Variants in EEF2K observed in about 807,000 individuals in gnomAD.
EEF2K encodes alternative protein EEF2K.
In EEF2K, 70 loss-of-function variants were observed where a neutral mutation model predicts 93.8. That is an observed-to-expected ratio of 0.75 (90% CI 0.62 to 0.91). The LOEUF (loss-of-function observed/expected upper bound fraction) is 0.91, where lower values mean the gene tolerates loss of function less well. Ranked by LOEUF, EEF2K falls within the 40% of genes least tolerant of loss-of-function variation. The pLI is 0.00. For missense variants in EEF2K, 935 were observed against 972.9 expected (o/e 0.96, Z 0.52); for synonymous variants, 376 against 380.8 (o/e 0.99, Z 0.15).
rs886476131 is a variant in EEF2K, at chr16:22,283,814, G to A, written c.2069-73G>A. On this transcript the variant is annotated intron_variant, in intron 17 of 17. Transcript: ENST00000263026. ...ACGTCAGGGTGTTCTTCTGGGAGGG[G>A]TGATGGGGGACACTGGGCTGGCAAA... 60 of 1,401,778 alleles carry A rather than the reference G, an allele frequency of 4.3e-5. 1 individual carries two copies. The Admixed American group carries it at 1.1e-3, about 25-fold the overall frequency. The allele number at this position is 1,401,778 out of a possible 1,614,324, so 86.8% of individuals were successfully genotyped here.
chr16:22,284,826 C>G lies in EEF2K; in HGVS notation c.*830C>G, dbSNP rs1414118649. 6.6e-6 allele frequency: 1 copy of G among 152,166 alleles called. No homozygotes were observed. Among genetic ancestry groups the G allele is most frequent in the Non-Finnish European group, 1.5e-5 (1 of 68,018 alleles). 9.4% of individuals were successfully genotyped at this position (152,166 alleles called of 1,614,324 possible). ...TGGCTTAGTGCAAAGCATTCTTTCT[C>G]AGAGCATTTAGAGGCATGCGTGGCA... On this transcript the variant is annotated 3_prime_UTR_variant, in exon 18 of 18. Coordinates refer to ENST00000263026, the MANE Select transcript of EEF2K (RefSeq NM_013302.5).
In EEF2K at chr16:22,225,897, T is replaced by G. The variant is rs1419477034; in HGVS notation, c.168T>G (p.Val56=). The G allele has an allele frequency of 1.2e-6, 2 of 1,614,090 alleles. No individual in the cohort carries two copies. Among genetic ancestry groups the G allele is most frequent in the Non-Finnish European group, 1.7e-6 (2 of 1,180,048 alleles). ...CGAACCAGAATGTCAATTCCAAGGT[T>G]AATAAGTACTACAGCAACCTAACAA... ...PSSNQNVNSK[V]NKYYSNLTKS... The change falls in exon 2 of 18, where the codon GTT becomes GTG. Residue 56 remains valine (V), a synonymous_variant. Coordinates refer to ENST00000263026, the MANE Select transcript of EEF2K (RefSeq NM_013302.5).
At chr16:22,238,877 A>G (rs1447439455) in intron 2 of EEF2K, among the ~76,000 whole-genome samples, 1 of 152,054 alleles carries the variant, frequency 6.6e-6, no homozygotes, top group Non-Finnish European at 1.5e-5. Context: ...GGAGTCACCC[A>G]TAATAAGCAC....
chr16:22,266,435 CT>C lies in EEF2K; in HGVS notation c.1487del (p.Leu496ArgfsTer87). On this transcript the variant is annotated frameshift_variant, in exon 14 of 18. Coordinates refer to ENST00000263026, the MANE Select transcript of EEF2K (RefSeq NM_013302.5). LOFTEE classifies it high-confidence loss of function. ...TCTCCTCAACTCCTCCCGCCTCCAC[CT>C]GCCGAGGGCTTCGGCCGTGGCCCTG... ...WNLLNSSRLH[L>X]PRASAVALEV... 1 of 1,614,198 alleles carries C rather than the reference CT, an allele frequency of 6.2e-7. No individual in the cohort carries two copies.
intron 10 of EEF2K, 107 bp from the exon 11 acceptor site, chr16:22,260,350 TAAAAA>T (rs35233038): frequency 2.3e-6 from 2 of 868,252 alleles, no homozygotes; most frequent in Non-Finnish European, 3.4e-6. Context: ...CTTTAAAGCT[TAAAAA>T]AAAAAAAAGG....
At chr16:22,236,452 T>A (rs2047168689) in intron 2 of EEF2K, among the ~76,000 whole-genome samples, 1 of 152,004 alleles carries the variant, frequency 6.6e-6, no homozygotes, top group South Asian at 2.1e-4. Context: ...TTTTTTGTAT[T>A]TGTAGTAGAG....
At chr16:22,208,752 T>A (rs1234479417) in intron 1 of EEF2K, among the ~76,000 whole-genome samples, 1 of 143,846 alleles carries the variant, frequency 7.0e-6, no homozygotes, top group Non-Finnish European at 1.5e-5. Context: ...AAAAAAAAAA[T>A]CTCTGATTTG....
At chr16:22,230,308 G>T (rs2047102914) in intron 2 of EEF2K, among the ~76,000 whole-genome samples, 1 of 151,676 alleles carries the variant, frequency 6.6e-6, no homozygotes, top group Non-Finnish European at 1.5e-5. Flanking sequence ...CCACTTCCTA[G>T]GTTCAAGTGA....
chr16:22,254,840 G>C (rs1369359870), intron 6 of EEF2K, among the ~76,000 whole-genome samples: 2 of 152,028 alleles, frequency 1.3e-5, no homozygotes, highest in African/African-American at 4.8e-5. Context: ...GCCCGGGGTG[G>C]GGGGGCGGAT....
chr16:22,266,957 G>A (rs909679781), intron 15 of EEF2K, 81 bp downstream of exon 15: 2 of 1,492,228 alleles, frequency 1.3e-6, no homozygotes, highest in Non-Finnish European at 1.8e-6. Context: ...CATCCTGGAA[G>A]TCATGCATTC....
At chr16:22,220,148 T>C (rs2046997062) in intron 1 of EEF2K, among the ~76,000 whole-genome samples, 1 of 152,226 alleles carries the variant, frequency 6.6e-6, no homozygotes, top group African/African-American at 2.4e-5. Context: ...GGGGGATAGT[T>C]TGCCACAGCT....
At position 22,256,779 on chromosome 16, in the gene EEF2K, T is replaced by A. The variant is rs1243214007; in HGVS notation, c.650T>A (p.Leu217Gln). 1 of 1,614,104 alleles carries A rather than the reference T, an allele frequency of 6.2e-7. No homozygotes were observed. Among genetic ancestry groups the A allele is most frequent in the African/African-American group, 1.3e-5 (1 of 75,032 alleles). ...VDIMQMCIIE[L>Q]KDRPGKPLFH... ...ATCATGCAGATGTGCATCATCGAGC[T>A]GAAGGACAGACCGGGCAAGCCCCTC... Residue 217 changes from leucine to glutamine, a missense_variant, in exon 7 of 18, where the codon CTG (leucine) becomes CAG (glutamine). By Grantham distance (113) the Leu-to-Gln change is moderately radical. Coordinates refer to ENST00000263026, the MANE Select transcript of EEF2K (RefSeq NM_013302.5).
intron 2 of EEF2K, among the ~76,000 whole-genome samples, chr16:22,233,608 A>T (rs1261061222): frequency 1.3e-5 from 2 of 152,030 alleles, no homozygotes; most frequent in African/African-American, 2.4e-5. Flanking sequence ...AATCACTTGA[A>T]CCTGGGAGGC....
chr16:22,251,368 G>A (rs1478041565), intron 6 of EEF2K, 46 bp downstream of exon 6: 1 of 1,603,538 alleles, frequency 6.2e-7, no homozygotes, highest in Non-Finnish European at 8.5e-7. Flanking sequence ...AGGGCAGCTG[G>A]GCACAGTGTC....
Position 22,280,376 on chromosome 16 carries a change from G to T in EEF2K, c.2068G>T (p.Gly690Trp). The part of the protein sequence containing the change: ...YGLEKDPQRS[G>W]DLYTQAAEAA... ...GCTGGAGAAGGACCCGCAGAGATCA[G>T]GTAGGGCCTGGCAGACCTGCCCCTG... The change falls in exon 17 of 18, where the codon GGG (glycine) becomes TGG (tryptophan). Residue 690 changes from glycine (G) to tryptophan (W), a missense_variant and splice_region_variant. Coordinates refer to ENST00000263026, the MANE Select transcript of EEF2K (RefSeq NM_013302.5). The T allele has an allele frequency of 3.3e-6, 5 of 1,522,362 alleles. No homozygotes were observed. Among genetic ancestry groups the T allele is most frequent in the Non-Finnish European group, 4.4e-6 (5 of 1,131,518 alleles). The allele number at this position is 1,522,362 out of a possible 1,614,324, so 94.3% of individuals were successfully genotyped here. A position where few individuals can be genotyped will look rare whatever the true frequency, so the allele number is the denominator to read the frequency against.
chr16:22,242,064 G>C (rs1459183323), intron 2 of EEF2K, among the ~76,000 whole-genome samples: 1 of 152,092 alleles, frequency 6.6e-6, no homozygotes, highest in African/African-American at 2.4e-5. Flanking sequence ...GATCGCTTGA[G>C]CCCAGGAGTT....
At chr16:22,241,058 G>A (rs566229320) in intron 2 of EEF2K, among the ~76,000 whole-genome samples, 6 of 151,884 alleles carry the variant, frequency 4.0e-5, no homozygotes, top group South Asian at 2.1e-4. Context: ...GTGAGCCACC[G>A]CGCCCGGCCT....
chr16:22,270,385 A>C (rs1217734308), intron 15 of EEF2K, among the ~76,000 whole-genome samples: 1 of 151,990 alleles, frequency 6.6e-6, no homozygotes, highest in African/African-American at 2.4e-5. Context: ...TCAGCCTCCC[A>C]AAATGCTAGG....
chr16:22,286,254 CGT>C lies in EEF2K; in HGVS notation c.*2261_*2262del, dbSNP rs1266702745. On this transcript the variant is annotated 3_prime_UTR_variant, in exon 18 of 18. Coordinates refer to ENST00000263026, the MANE Select transcript of EEF2K (RefSeq NM_013302.5). ...GTGTTACATTTTGTGTGTGTGTGTG[CGT>C]GTTTTAAACCAGTGCATATAAATTG... 3.9e-5 allele frequency: 6 copies of C among 151,970 alleles called. No homozygotes were observed. The highest frequency in any genetic ancestry group is 8.8e-5 in the Non-Finnish European group (6 of 67,994). 9.4% of individuals were successfully genotyped at this position (151,970 alleles called of 1,614,324 possible). A position where few individuals can be genotyped will look rare whatever the true frequency, so the allele number is the denominator to read the frequency against.
Sources: allele counts gnomAD v4.1 joint callset (sites outside exome capture counted in the v4.1 genomes callset), GRCh38; gene constraint gnomAD v4.1.1; transcripts MANE v1.5; gene names NCBI Gene and HGNC (gene_info 2026-07-23, HGNC 2026-07-21).